ARHGAP26: variants seen among roughly 807,000 people sequenced by gnomAD.
ARHGAP26 encodes Rho GTPase activating protein 26.
A neutral mutation model predicts 104.8 loss-of-function variants in ARHGAP26; 38 were observed. The observed-to-expected ratio is 0.36, with a 90% CI of 0.28 to 0.48. The LOEUF (loss-of-function observed/expected upper bound fraction) is 0.48. Ranked by LOEUF, ARHGAP26 falls within the 20% of genes least tolerant of loss-of-function variation. ARHGAP26 has a pLI of 0.99. For missense variants in ARHGAP26, 704 were observed against 947.9 expected (o/e 0.74, Z 3.38); for synonymous variants, 341 against 340.0 (o/e 1.00, Z -0.03).
intron 17 of ARHGAP26, among the ~76,000 whole-genome samples, chr5:143,109,400 T>G (rs1219298440): frequency 6.6e-6 from 1 of 152,214 alleles, no homozygotes; most frequent in East Asian, 1.9e-4. Flanking sequence ...ATTCTCTTAT[T>G]GGGTTTTATG....
chr5:143,098,683 T>C (rs531629946), intron 17 of ARHGAP26, among the ~76,000 whole-genome samples: 1 of 152,352 alleles, frequency 6.6e-6, no homozygotes, highest in South Asian at 2.1e-4. Flanking sequence ...GGATCTGTTC[T>C]TTCTTAGCTA....
intron 17 of ARHGAP26, among the ~76,000 whole-genome samples, chr5:143,105,990 G>A (rs755124285): frequency 3.3e-5 from 5 of 151,232 alleles, no homozygotes; most frequent in Non-Finnish European, 5.9e-5. Flanking sequence ...CTGACTTTTC[G>A]CAGAGTAGCA....
At chr5:143,156,519 A>C (rs905365937) in intron 20 of ARHGAP26, among the ~76,000 whole-genome samples, 48 of 152,330 alleles carry the variant, frequency 3.2e-4, no homozygotes, top group African/African-American at 1.1e-3. Flanking sequence ...CTAGACCTAT[A>C]GGATCAGCAT....
chr5:143,099,848 A>G (rs1792957349), intron 17 of ARHGAP26, among the ~76,000 whole-genome samples: 2 of 152,260 alleles, frequency 1.3e-5, no homozygotes, highest in African/African-American at 4.8e-5. Context: ...TGTTTCAAAA[A>G]TAAAAACAAT....
intron 9 of ARHGAP26, chr5:142,908,888 TCTC>T (rs1761469349): frequency 6.0e-6 from 1 of 167,218 alleles, no homozygotes; most frequent in African/African-American, 2.4e-5. Context: ...TGCTTGTGAG[TCTC>T]CTCTGAGTGT....
At chr5:143,115,062 G>A (rs1041936530) in intron 17 of ARHGAP26, among the ~76,000 whole-genome samples, 3 of 152,282 alleles carry the variant, frequency 2.0e-5, no homozygotes, top group African/African-American at 7.2e-5. Flanking sequence ...GCCAGGTGTA[G>A]TGGCTTATGC....
chr5:143,157,284 C>G (rs576566062), intron 20 of ARHGAP26, among the ~76,000 whole-genome samples: 6 of 151,546 alleles, frequency 4.0e-5, no homozygotes, highest in African/African-American at 1.5e-4. Flanking sequence ...TCAAGCAATT[C>G]TCCCACCTCA....
chr5:142,791,967 T>C (rs908461761), intron 1 of ARHGAP26, among the ~76,000 whole-genome samples: 2 of 146,950 alleles, frequency 1.4e-5, no homozygotes, highest in Admixed American at 1.4e-4. Flanking sequence ...AAAAAAGGTG[T>C]TAAGTTTTGA....
rs540421293 is a variant in ARHGAP26, at chr5:142,821,552, A to T, written c.154+50637A>T. On this transcript the variant is annotated intron_variant, in intron 1 of 22. Transcript: ENST00000645722. ...GTTTTATTGCTGGGCCATGGCTGGG[A>T]ATTATCATTCCTGGACCAGCACCAT... Among the ~76,000 whole-genome samples the T allele has an allele frequency of 5.9e-5, 9 of 152,170 alleles. No individual in the cohort carries two copies. The East Asian group carries it at 1.7e-3, about 29-fold the overall frequency.
intron 20 of ARHGAP26, among the ~76,000 whole-genome samples, chr5:143,173,419 G>C (rs530032149): frequency 5.3e-5 from 8 of 152,306 alleles, no homozygotes; most frequent in South Asian, 4.1e-4. Flanking sequence ...AGTCAGGAGA[G>C]CGGAAAATCA....
intron 12 of ARHGAP26, among the ~76,000 whole-genome samples, chr5:143,016,443 G>A (rs1447895965): frequency 3.9e-5 from 6 of 152,124 alleles, no homozygotes; most frequent in East Asian, 3.9e-4. Context: ...GGTGGCTCAC[G>A]CCTGTAATCC....
intron 1 of ARHGAP26, among the ~76,000 whole-genome samples, chr5:142,779,072 A>G (rs1306350528): frequency 2.6e-5 from 4 of 152,282 alleles, no homozygotes; most frequent in African/African-American, 7.2e-5. Context: ...TATAGGTCAG[A>G]TGGGAGATGG....
chr5:143,226,115 AGCCT>A lies in ARHGAP26; in HGVS notation c.*3671_*3674del, dbSNP rs1350277028. The stretch of plus-strand genomic sequence containing the variant: ...TAAGACCCAGGGATCACTTAGCCAT[AGCCT>A]GAATCTTTTAGGGGTATTAAGGTCA... On this transcript the variant is annotated 3_prime_UTR_variant, in exon 23 of 23. Coordinates refer to ENST00000645722, the MANE Select transcript of ARHGAP26 (RefSeq NM_001135608.3). 1 of 201,170 alleles carries A rather than the reference AGCCT, an allele frequency of 5.0e-6. No homozygotes were observed. The highest frequency in any genetic ancestry group is 2.3e-5 in the African/African-American group (1 of 43,496). The allele number at this position is 201,170 out of a possible 1,614,324, so 12.5% of individuals were successfully genotyped here. A position where few individuals can be genotyped will look rare whatever the true frequency, so the allele number is the denominator to read the frequency against.
chr5:143,056,944 A>T (rs977160043), intron 16 of ARHGAP26, among the ~76,000 whole-genome samples: 26 of 152,178 alleles, frequency 1.7e-4, no homozygotes, highest in African/African-American at 5.8e-4. Flanking sequence ...CTTTCTAGAG[A>T]AATTACAAAC....
intron 1 of ARHGAP26, among the ~76,000 whole-genome samples, chr5:142,779,445 GTTTTC>G: frequency 6.8e-6 from 1 of 146,846 alleles, no homozygotes; most frequent in South Asian, 2.1e-4. Context: ...GTGTGTGTGT[GTTTTC>G]TTTGCCAGAT....
intron 11 of ARHGAP26, among the ~76,000 whole-genome samples, chr5:143,012,548 C>CATATATATATATATATATATGT (rs1414408846): frequency 4.3e-5 from 1 of 23,348 alleles, no homozygotes; most frequent in Non-Finnish European, 1.1e-4. Flanking sequence ...TATATACATA[C>CATATATATATATATATATATGT]ATACATATAT....
chr5:142,923,857 CT>C (rs11389284), intron 10 of ARHGAP26, among the ~76,000 whole-genome samples: 314 of 105,860 alleles, frequency 3.0e-3, no homozygotes, highest in African/African-American at 8.3e-3. Flanking sequence ...GGATCAGATC[CT>C]TTTTTTTTTT....
chr5:142,953,627 T>A (rs1270163986), intron 11 of ARHGAP26, among the ~76,000 whole-genome samples: 1 of 152,230 alleles, frequency 6.6e-6, no homozygotes, highest in African/African-American at 2.4e-5. Context: ...TGGTTCACTA[T>A]TTTGGGACTT....
chr5:142,972,652 AC>A (rs1476681720), intron 11 of ARHGAP26, among the ~76,000 whole-genome samples: 2 of 152,020 alleles, frequency 1.3e-5, no homozygotes, highest in African/African-American at 2.4e-5. Context: ...ACCATTCTCT[AC>A]CCCCCAAGAA....
Sources: allele counts gnomAD v4.1 joint callset (sites outside exome capture counted in the v4.1 genomes callset), GRCh38; gene constraint gnomAD v4.1.1; transcripts MANE v1.5; gene names NCBI Gene and HGNC (gene_info 2026-07-23, HGNC 2026-07-21).